Variants in TSEN15 observed in about 807,000 individuals in gnomAD.
The protein encoded by TSEN15 is tRNA splicing endonuclease subunit 15.
TSEN15 carries 10 observed loss-of-function variants against 20.5 expected under a neutral mutation model. The observed-to-expected ratio is 0.49, with a 90% CI of 0.30 to 0.83. The LOEUF (loss-of-function observed/expected upper bound fraction) is 0.83. Ranked by LOEUF, TSEN15 falls within the 40% of genes least tolerant of loss-of-function variation. TSEN15 has a pLI of 0.06. For missense variants in TSEN15, 180 were observed against 218.6 expected, an observed-to-expected ratio of 0.82 and a Z score of 1.11; for synonymous variants, 72 against 80.1, an observed-to-expected ratio of 0.90 and a Z score of 0.54.
At chr1:184,056,109 C>T (rs1428405071) in intron 3 of TSEN15, among the ~76,000 whole-genome samples, 1 of 152,084 alleles carries the variant, frequency 6.6e-6, no homozygotes, top group East Asian at 1.9e-4. Context: ...TTTTTACATC[C>T]ACTCCCTCGA....
downstream of TSEN15, among the ~76,000 whole-genome samples, chr1:184,074,931 A>T (rs910903517): frequency 2.0e-5 from 3 of 151,992 alleles, no homozygotes; most frequent in African/African-American, 7.2e-5. Context: ...CTAGTGGAAA[A>T]TTTGCAGGTC....
intron 3 of TSEN15, chr1:184,093,695 C>G (rs536860192): frequency 1.3e-5 from 2 of 152,276 alleles, no homozygotes; most frequent in African/African-American, 4.8e-5. Context: ...TGAATCAGAT[C>G]CAAATCCCTT....
rs1650950489 is a variant in TSEN15 at position 184,073,037 on chromosome 1, AG to A, written c.*193del. The A allele has an allele frequency of 6.9e-6, 4 of 580,918 alleles. No homozygotes were observed. The highest frequency in any genetic ancestry group is 1.2e-5 in the Non-Finnish European group (4 of 334,978). The allele number at this position is 580,918 out of a possible 1,614,324, so 36.0% of individuals were successfully genotyped here. A position where few individuals can be genotyped will look rare whatever the true frequency, so the allele number is the denominator to read the frequency against. ...AGACTTTCTCCTTCTTAAAAAATAT[AG>A]GGTGATTTCTTTAAAACTTTGTTAT... On this transcript the variant is annotated 3_prime_UTR_variant, in exon 5 of 5. Coordinates refer to ENST00000645668, the MANE Select transcript of TSEN15 (RefSeq NM_052965.4).
At chr1:184,057,076 A>G (rs1650274914) in intron 3 of TSEN15, among the ~76,000 whole-genome samples, 2 of 152,290 alleles carry the variant, frequency 1.3e-5, no homozygotes, top group Non-Finnish European at 2.9e-5. Context: ...AATGATAGGA[A>G]TGTAACTTCT....
intron 3 of TSEN15, chr1:184,070,590 A>G (rs1036702586): frequency 4.6e-6 from 5 of 1,094,222 alleles, no homozygotes; most frequent in Non-Finnish European, 6.1e-6. Flanking sequence ...ATAAAAATGT[A>G]TCTTTTTCTA....
At chr1:184,093,099 C>T (rs1035524357) in intron 3 of TSEN15, among the ~76,000 whole-genome samples, 8 of 152,108 alleles carry the variant, frequency 5.3e-5, no homozygotes, top group Admixed American at 2.6e-4. Context: ...ATTTTCTTTC[C>T]GATCAATTCT....
At chr1:184,081,585 A>G (rs1651170368) in intron 3 of TSEN15, among the ~76,000 whole-genome samples, 1 of 152,200 alleles carries the variant, frequency 6.6e-6, no homozygotes, top group South Asian at 2.1e-4. Flanking sequence ...CTTCCAGGTA[A>G]TAGAAAGGAG....
chr1:184,083,933 A>AAAC (rs1362481747), intron 3 of TSEN15, among the ~76,000 whole-genome samples: 1 of 152,148 alleles, frequency 6.6e-6, no homozygotes, highest in Non-Finnish European at 1.5e-5. Flanking sequence ...CCCCTGTTAA[A>AAAC]AACAACAACA....
intron 3 of TSEN15, among the ~76,000 whole-genome samples, chr1:184,090,626 A>G (rs1316460302): frequency 6.6e-6 from 1 of 152,190 alleles, no homozygotes; most frequent in Non-Finnish European, 1.5e-5. Flanking sequence ...GGAGAAAGCC[A>G]GGGCTCTCTT....
chr1:184,065,451 T>C (rs928907931), intron 3 of TSEN15, among the ~76,000 whole-genome samples: 4 of 152,244 alleles, frequency 2.6e-5, no homozygotes, highest in African/African-American at 2.4e-5. Context: ...CATAATGTCA[T>C]GTATTCATCA....
chr1:184,054,270 T>TAAA, intron 1 of TSEN15, 84 bp from the exon 2 acceptor site: 1 of 830,548 alleles, frequency 1.2e-6, no homozygotes, highest in Non-Finnish European at 1.9e-6. Flanking sequence ...ATAGATTATA[T>TAAA]ATGCTTGATG....
intron 3 of TSEN15, among the ~76,000 whole-genome samples, chr1:184,092,608 T>C (rs1222418438): frequency 6.6e-6 from 1 of 152,186 alleles, no homozygotes; most frequent in Non-Finnish European, 1.5e-5. Context: ...ACCTCAATTG[T>C]TTCCCAAACT....
chr1:184,092,427 G>T (rs538170487), intron 3 of TSEN15, among the ~76,000 whole-genome samples: 1 of 152,196 alleles, frequency 6.6e-6, no homozygotes, highest in Admixed American at 6.5e-5. Flanking sequence ...AGAGAAAAAT[G>T]TGTACAAATA....
intron 3 of TSEN15, chr1:184,070,836 C>T (rs1214336816): frequency 3.6e-6 from 1 of 278,596 alleles, no homozygotes; most frequent in Non-Finnish European, 6.1e-6. Context: ...TAATGCAGTT[C>T]AGCATAGGTG....
downstream of TSEN15, among the ~76,000 whole-genome samples, chr1:184,076,635 G>A (rs897327971): frequency 7.9e-5 from 12 of 152,162 alleles, no homozygotes; most frequent in African/African-American, 2.9e-4. Context: ...TAGGCCTCTT[G>A]TGCCAAACAG....
chr1:184,096,955 A>C (rs1651466071), exon 4 of TSEN15: 1 of 152,204 alleles, frequency 6.6e-6, no homozygotes, highest in Admixed American at 6.5e-5. Flanking sequence ...TATTAATAAC[A>C]TTCACATTCT....
chr1:184,076,076 G>A (rs79471494), downstream of TSEN15, among the ~76,000 whole-genome samples: 868 of 151,938 alleles, frequency 5.7e-3, 6 homozygotes, highest in African/African-American at 0.02. Flanking sequence ...ATACATTGCT[G>A]CTTTAATATA....
chr1:184,053,902 G>A (rs960407801), intron 1 of TSEN15, among the ~76,000 whole-genome samples: 4 of 152,180 alleles, frequency 2.6e-5, no homozygotes, highest in Non-Finnish European at 5.9e-5. Flanking sequence ...TCTATTGCTG[G>A]CAGATAGGTT....
At chr1:184,054,638 A>C in intron 2 of TSEN15, 90 bp from the exon 3 acceptor site, 1 of 1,426,572 alleles carries the variant, frequency 7.0e-7, no homozygotes, top group Non-Finnish European at 9.5e-7. Flanking sequence ...TACGAGTGAT[A>C]TTTGCTCAGC....
Sources: allele counts gnomAD v4.1 joint callset (sites outside exome capture counted in the v4.1 genomes callset), GRCh38; gene constraint gnomAD v4.1.1; transcripts MANE v1.5; gene names NCBI Gene and HGNC (gene_info 2026-07-23, HGNC 2026-07-21).